Variants in FOXP2 observed in about 807,000 individuals in gnomAD.
FOXP2 encodes forkhead box P2, also known as forkhead box protein P2.
In FOXP2, 12 loss-of-function variants were observed where a neutral mutation model predicts 115.8. The ratio of observed to expected loss-of-function variants is 0.10; its 90% confidence interval spans 0.07 to 0.17. The LOEUF is 0.17. Ranked by LOEUF, FOXP2 falls within the 10% of genes least tolerant of loss-of-function variation. FOXP2 has a pLI of 1.00. For missense variants in FOXP2, 629 were observed against 843.5 expected (o/e 0.75, Z 3.15); for synonymous variants, 328 against 297.7 (o/e 1.10, Z -1.05).
At chr7:114,287,554 A>G (rs1796496535) in intron 1 of FOXP2, among the ~76,000 whole-genome samples, 1 of 152,048 alleles carries the variant, frequency 6.6e-6, no homozygotes, top group African/African-American at 2.4e-5. Context: ...CATTGTGATT[A>G]TGAGGAGTAA....
intron 2 of FOXP2, among the ~76,000 whole-genome samples, chr7:114,514,545 A>G (rs374620675): frequency 3.9e-5 from 6 of 152,026 alleles, no homozygotes; most frequent in Admixed American, 2.6e-4. Context: ...ACTTAACATA[A>G]TGTCCTCTAG....
In FOXP2 at chr7:114,489,441, C is replaced by T. The variant is rs372430068; in HGVS notation, c.169-45176C>T. On this transcript the variant is annotated intron_variant, in intron 2 of 16. Coordinates refer to ENST00000350908, the MANE Select transcript of FOXP2 (RefSeq NM_014491.4). ...AGCCAGAGGTAGTCTGAAATTGGTT[C>T]TATTTACTTATTATTTGACCCTTTA... 9.2e-5 allele frequency among the ~76,000 whole-genome samples: 14 copies of T among 152,142 alleles called. No homozygotes were observed. The South Asian group carries it at 1.0e-3, about 11-fold the overall frequency.
At chr7:114,363,229 G>A (rs759986700) in intron 2 of FOXP2, among the ~76,000 whole-genome samples, 7 of 152,026 alleles carry the variant, frequency 4.6e-5, no homozygotes, top group Non-Finnish European at 8.8e-5. Context: ...ACATGATCCT[G>A]CTTTAGAAGT....
chr7:114,482,178 C>T (rs1796588208), intron 2 of FOXP2, among the ~76,000 whole-genome samples: 1 of 151,378 alleles, frequency 6.6e-6, no homozygotes, highest in Non-Finnish European at 1.5e-5. Flanking sequence ...ATTGTGATAT[C>T]ATGCATGCTT....
At chr7:114,170,085 A>G (rs1479774256) in intron 1 of FOXP2, among the ~76,000 whole-genome samples, 1 of 152,202 alleles carries the variant, frequency 6.6e-6, no homozygotes, top group Non-Finnish European at 1.5e-5. Flanking sequence ...CTTTTCCAAC[A>G]GAATGTGATC....
chr7:114,248,206 G>GAGAC (rs1554354805), intron 1 of FOXP2, among the ~76,000 whole-genome samples: 16 of 150,884 alleles, frequency 1.1e-4, no homozygotes, highest in South Asian at 4.2e-4. Context: ...GAGAGAGAGA[G>GAGAC]AGAGAGACAG....
intron 1 of FOXP2, among the ~76,000 whole-genome samples, chr7:114,123,927 A>G (rs560541132): frequency 2.0e-5 from 3 of 152,216 alleles, no homozygotes; most frequent in Non-Finnish European, 2.9e-5. Context: ...ACATATATTA[A>G]AAAACTTTTG....
intron 2 of FOXP2, among the ~76,000 whole-genome samples, chr7:114,531,349 T>C (rs935463068): frequency 2.0e-5 from 3 of 151,938 alleles, no homozygotes; most frequent in East Asian, 1.9e-4. Flanking sequence ...TAACATTTTA[T>C]ATTGATGGAA....
upstream of FOXP2, among the ~76,000 whole-genome samples, chr7:114,410,894 T>C (rs1025003096): frequency 2.6e-4 from 40 of 151,980 alleles, no homozygotes; most frequent in Non-Finnish European, 8.8e-5. Context: ...AAGAAAAGAC[T>C]TGTCACTTTC....
At chr7:114,409,968 C>T (rs1793125347), upstream of FOXP2, among the ~76,000 whole-genome samples, 1 of 152,052 alleles carries the variant, frequency 6.6e-6, no homozygotes, top group Admixed American at 6.6e-5. Flanking sequence ...AACCACATGC[C>T]TGCCTTGGGA....
intron 3 of FOXP2, among the ~76,000 whole-genome samples, chr7:114,611,502 G>A (rs549550968): frequency 4.8e-4 from 73 of 152,218 alleles, no homozygotes; most frequent in Admixed American, 1.4e-3. Flanking sequence ...CACAGGTTAC[G>A]CAGCAGTGAC....
rs552230140 is a variant in FOXP2 at position 114,638,963 on chromosome 7, T to C, written c.776-3447T>C. ...TAATATTTATTGAGGGCCTACTAAC[T>C]GCCTGACATTTGTTACTTCATTACA... On this transcript the variant is annotated intron_variant, in intron 6 of 16. Transcript: ENST00000350908. Among the ~76,000 whole-genome samples, 132 of 152,316 alleles carry C rather than the reference T, an allele frequency of 8.7e-4. 1 individual carries two copies. Among genetic ancestry groups the C allele is most frequent in the African/African-American group, 2.9e-3 (119 of 41,574 alleles).
At chr7:114,498,958 G>A (rs1322561752) in intron 2 of FOXP2, 6 of 717,368 alleles carry the variant, frequency 8.4e-6, no homozygotes, top group Non-Finnish European at 1.6e-5. Context: ...CTAGAAGAGC[G>A]ATTCTCAAAA....
At chr7:114,629,772 CT>C in intron 4 of FOXP2, 32 bp from the exon 5 acceptor site, 1 of 1,613,878 alleles carries the variant, frequency 6.2e-7, no homozygotes, top group Non-Finnish European at 8.5e-7. Context: ...AAACTTTTGC[CT>C]TTATTTATTA....
intron 2 of FOXP2, among the ~76,000 whole-genome samples, chr7:114,380,110 C>G (rs898924145): frequency 1.3e-5 from 2 of 152,156 alleles, no homozygotes; most frequent in Non-Finnish European, 2.9e-5. Context: ...CGGTTCCCTT[C>G]TATTTCCCTT....
At chr7:114,442,041 A>T (rs150901867) in intron 2 of FOXP2, among the ~76,000 whole-genome samples, 19 of 152,312 alleles carry the variant, frequency 1.2e-4, no homozygotes, top group African/African-American at 4.3e-4. Flanking sequence ...ATTTACATAT[A>T]TTTATAAAGG....
intron 2 of FOXP2, among the ~76,000 whole-genome samples, chr7:114,372,413 G>A (rs563156581): frequency 3.9e-5 from 6 of 152,202 alleles, no homozygotes; most frequent in Admixed American, 2.6e-4. Flanking sequence ...TAATAATTAG[G>A]CTAGGACAAC....
Position 114,658,260 on chromosome 7 carries a change from G to A in FOXP2, c.1461G>A (p.Met487Ile). Residue 487 changes from methionine (M) to isoleucine (I), a missense_variant, in exon 11 of 17, where the codon ATG becomes ATA. Met to Ile is a conservative substitution (Grantham distance 10). Around this residue, in one of 9 missense-constraint regions of FOXP2, gnomAD observed 101 missense variants for 116.0 expected, o/e 0.87. Coordinates refer to ENST00000350908, the MANE Select transcript of FOXP2 (RefSeq NM_014491.4). ...RRHSDKYNIP[M>I]SSEIAPNYEF... ...ATTCAGACAAATACAACATTCCCAT[G>A]TCATCAGGTAGGATATGAATGCTCA... 1.2e-6 allele frequency: 2 copies of A among 1,613,670 alleles called. No homozygotes were observed. Among genetic ancestry groups the A allele is most frequent in the South Asian group, 1.1e-5 (1 of 91,074 alleles).
intron 2 of FOXP2, among the ~76,000 whole-genome samples, chr7:114,489,831 C>A (rs942701834): frequency 1.3e-5 from 2 of 152,024 alleles, no homozygotes; most frequent in Non-Finnish European, 2.9e-5. Context: ...AAAAGATGCT[C>A]CACATTGTAT....
Sources: allele counts gnomAD v4.1 joint callset (sites outside exome capture counted in the v4.1 genomes callset), GRCh38; gene constraint gnomAD v4.1.1; regional missense constraint gnomAD v4.1.1; transcripts MANE v1.5; gene names NCBI Gene and HGNC (gene_info 2026-07-23, HGNC 2026-07-21).